PARD3B: variants seen among roughly 807,000 people sequenced by gnomAD.
PARD3B encodes the protein partitioning defective 3 homolog B.
Under a neutral mutation model 130.2 loss-of-function variants are expected in PARD3B, and 103 were observed. That is an observed-to-expected ratio of 0.79 (90% CI 0.67 to 0.93). The LOEUF (loss-of-function observed/expected upper bound fraction) is 0.93, where lower values mean the gene tolerates loss of function less well. PARD3B is among the 40% of genes least tolerant of loss of function. PARD3B has a pLI of 0.00. For synonymous variants in PARD3B, 583 were observed against 553.2 expected (o/e 1.05, Z -0.76); for missense variants, 1,609 against 1,499.2 (o/e 1.07, Z -1.21).
intron 18 of PARD3B, among the ~76,000 whole-genome samples, chr2:205,389,067 A>T (rs1444836967): frequency 1.3e-5 from 2 of 152,192 alleles, no homozygotes; most frequent in African/African-American, 4.8e-5. Context: ...GAAACTTGTG[A>T]CTTGTTGGCC....
chr2:204,777,541 G>A (rs2041672349), intron 2 of PARD3B, among the ~76,000 whole-genome samples: 1 of 152,180 alleles, frequency 6.6e-6, no homozygotes, highest in Admixed American at 6.5e-5. Flanking sequence ...GGCTGGGGCA[G>A]GAGGATCACT....
intron 13 of PARD3B, among the ~76,000 whole-genome samples, chr2:205,184,535 G>A (rs1255247106): frequency 6.6e-6 from 1 of 152,116 alleles, no homozygotes; most frequent in East Asian, 1.9e-4. Flanking sequence ...GAGGTCAGGA[G>A]ATCAAGACCA....
At chr2:205,228,592 TG>T in intron 15 of PARD3B, among the ~76,000 whole-genome samples, 1 of 152,316 alleles carries the variant, frequency 6.6e-6, no homozygotes, top group African/African-American at 2.4e-5. Flanking sequence ...TAGTCTTATT[TG>T]GGGTAAATTT....
At chr2:205,144,071 G>C (rs1203020889) in intron 10 of PARD3B, among the ~76,000 whole-genome samples, 1 of 152,182 alleles carries the variant, frequency 6.6e-6, no homozygotes, top group African/African-American at 2.4e-5. Context: ...GGTGTTTGGA[G>C]AGTACTTTCC....
chr2:204,725,174 C>T (rs2125327236), intron 2 of PARD3B, among the ~76,000 whole-genome samples: 1 of 152,142 alleles, frequency 6.6e-6, no homozygotes, highest in South Asian at 2.1e-4. Context: ...TTTGAATAAT[C>T]CATTTCAAAA....
intron 4 of PARD3B, among the ~76,000 whole-genome samples, chr2:205,054,404 T>TTATATA (rs1298451651): frequency 8.9e-5 from 3 of 33,832 alleles, no homozygotes; most frequent in African/African-American, 2.7e-4. Flanking sequence ...GACATGTCTT[T>TTATATA]TATATATATA....
intron 18 of PARD3B, among the ~76,000 whole-genome samples, chr2:205,334,920 C>T (rs894010732): frequency 3.9e-5 from 6 of 152,180 alleles, no homozygotes; most frequent in African/African-American, 1.4e-4. Flanking sequence ...ATACAATTGA[C>T]ACATTCCTCC....
intron 1 of PARD3B, among the ~76,000 whole-genome samples, chr2:204,656,189 A>C (rs192260070): frequency 2.6e-5 from 4 of 152,298 alleles, no homozygotes; most frequent in Non-Finnish European, 5.9e-5. Context: ...CCTTTTGATG[A>C]GAAGTGCTGC....
At chr2:205,245,886 G>A in intron 16 of PARD3B, 64 bp downstream of exon 16, 3 of 1,389,514 alleles carry the variant, frequency 2.2e-6, no homozygotes, top group Non-Finnish European at 3.1e-6. Context: ...TGTTTTAGTA[G>A]CAGTTGGAAC....
chr2:205,104,465 G>A lies in PARD3B; in HGVS notation c.544G>A (p.Gly182Ser). 6.2e-7 allele frequency: 1 copy of A among 1,603,414 alleles called. No individual in the cohort carries two copies. Among genetic ancestry groups the A allele is most frequent in the South Asian group, 1.1e-5 (1 of 90,818 alleles). ...CTTGGAAGACAGAGAAGTTTTGAAT[G>A]GTGTACAGACAGAACTACTAACTTC... The part of the protein sequence containing the change: ...QNLEDREVLN[G>S]VQTELLTSPR... Residue 182 changes from glycine (G) to serine (S), a missense_variant, in exon 5 of 23, where the codon GGT (glycine) becomes AGT (serine). Coordinates refer to ENST00000406610, the MANE Select transcript of PARD3B (RefSeq NM_001302769.2).
intron 21 of PARD3B, among the ~76,000 whole-genome samples, chr2:205,539,652 C>T (rs2052034443): frequency 6.6e-6 from 1 of 152,318 alleles, no homozygotes; most frequent in Admixed American, 6.5e-5. Flanking sequence ...AAAACCCACA[C>T]TGAAGTATCC....
At chr2:205,367,525 A>G (rs1416597826) in intron 18 of PARD3B, among the ~76,000 whole-genome samples, 1 of 152,196 alleles carries the variant, frequency 6.6e-6, no homozygotes, top group Non-Finnish European at 1.5e-5. Context: ...AGGGACTCCC[A>G]TCTGTCTAAA....
At chr2:205,513,779 G>A (rs1427679017) in intron 21 of PARD3B, among the ~76,000 whole-genome samples, 2 of 152,080 alleles carry the variant, frequency 1.3e-5, no homozygotes, top group Non-Finnish European at 2.9e-5. Context: ...TGTCTGCTGG[G>A]AAAGGCAGAC....
chr2:204,711,130 C>CT (rs1469981264), intron 2 of PARD3B, among the ~76,000 whole-genome samples: 1 of 152,114 alleles, frequency 6.6e-6, no homozygotes, highest in Non-Finnish European at 1.5e-5. Flanking sequence ...TCCTTTAAGA[C>CT]TAAAAATTAA....
chr2:204,874,753 C>A (rs991725477), intron 2 of PARD3B, among the ~76,000 whole-genome samples: 3 of 152,138 alleles, frequency 2.0e-5, no homozygotes, highest in East Asian at 3.9e-4. Flanking sequence ...TTCTTCCCCA[C>A]CCCTGAGGCA....
rs1486622431 is a variant in PARD3B, at chr2:205,530,320, T to C, written c.3181-23004T>C. On this transcript the variant is annotated intron_variant, in intron 21 of 22. Transcript: ENST00000406610. This position sits in a 1 kb window ranked among gnomAD's most constrained non-coding sequence, Gnocchi z 4.7. ...GGGTTAAACAAGACTTGAGGACTTT[T>C]AGGTGAGGAGTAGATGCCAACATCA... is the stretch of plus-strand genomic sequence containing the variant. Among the ~76,000 whole-genome samples the C allele has an allele frequency of 6.6e-6, 1 of 152,204 alleles. No individual in the cohort carries two copies. Among genetic ancestry groups the C allele is most frequent in the African/African-American group, 2.4e-5 (1 of 41,454 alleles).
chr2:204,622,534 T>G (rs995146118), intron 1 of PARD3B, among the ~76,000 whole-genome samples: 1 of 152,164 alleles, frequency 6.6e-6, no homozygotes, highest in Admixed American at 6.6e-5. Context: ...ACATTAACTC[T>G]ATTAATCATT....
intron 19 of PARD3B, among the ~76,000 whole-genome samples, chr2:205,406,046 C>T (rs941299014): frequency 2.0e-5 from 3 of 152,160 alleles, no homozygotes; most frequent in Non-Finnish European, 4.4e-5. Flanking sequence ...CCGTGCCTCT[C>T]TCTCACACAG....
At chr2:205,310,417 TG>T (rs2042339764) in intron 18 of PARD3B, among the ~76,000 whole-genome samples, 1 of 152,112 alleles carries the variant, frequency 6.6e-6, no homozygotes, top group Non-Finnish European at 1.5e-5. Context: ...GTAGTCACCA[TG>T]GTGAATAATA....
Sources: gnomAD v4.1 joint callset for allele counts (sites outside exome capture counted in the v4.1 genomes callset) on GRCh38, gnomAD v4.1.1 for gene constraint, Gnocchi (gnomAD v3.1) non-coding constraint, MANE v1.5 for transcripts, NCBI Gene and HGNC (gene_info 2026-07-23, HGNC 2026-07-21) for gene names.